The following GRAMD1B variants were observed in gnomAD, a reference collection of about 807,000 sequenced individuals.
GRAMD1B encodes the protein GRAM domain containing 1B.
Under a neutral mutation model 99.7 loss-of-function variants are expected in GRAMD1B, and 37 were observed. The ratio of observed to expected loss-of-function variants is 0.37; its 90% CI spans 0.29 to 0.49. The LOEUF (loss-of-function observed/expected upper bound fraction) is 0.49. Ranked by LOEUF, GRAMD1B falls within the 20% of genes least tolerant of loss-of-function variation. GRAMD1B has a pLI of 0.98. For missense variants in GRAMD1B, 888 were observed against 1,009.2 expected, an observed-to-expected ratio of 0.88 and a Z score of 1.63; for synonymous variants, 427 against 387.6, an observed-to-expected ratio of 1.10 and a Z score of -1.19.
At chr11:123,456,044 A>C (rs12806644) in intron 1 of GRAMD1B, among the ~76,000 whole-genome samples, 1,822 of 152,092 alleles carry the variant, frequency 0.012, 17 homozygotes, top group Middle Eastern at 0.037. Flanking sequence ...GGTGGCACAC[A>C]CCTGTAATCC....
At chr11:123,438,670 G>A (rs746448675) in intron 1 of GRAMD1B, among the ~76,000 whole-genome samples, 3 of 152,194 alleles carry the variant, frequency 2.0e-5, no homozygotes, top group Admixed American at 1.3e-4. Flanking sequence ...TTCCTTGGTG[G>A]TTATGCACTC....
chr11:123,602,748 C>T (rs908337974), intron 8 of GRAMD1B, among the ~76,000 whole-genome samples: 7 of 152,066 alleles, frequency 4.6e-5, no homozygotes, highest in African/African-American at 9.7e-5. Context: ...CATAGGCACC[C>T]GGTGAAATAA....
intron 1 of GRAMD1B, among the ~76,000 whole-genome samples, chr11:123,385,840 T>G (rs1591398392): frequency 6.6e-6 from 1 of 152,028 alleles, no homozygotes; most frequent in African/African-American, 2.4e-5. Flanking sequence ...AGATCGGAGG[T>G]CCTTCCCTGT....
chr11:123,385,839 G>A (rs1468253244), intron 1 of GRAMD1B, among the ~76,000 whole-genome samples: 2 of 152,148 alleles, frequency 1.3e-5, no homozygotes, highest in African/African-American at 4.8e-5. Flanking sequence ...GAGATCGGAG[G>A]TCCTTCCCTG....
chr11:123,571,620 C>T (rs1019870246), intron 2 of GRAMD1B, among the ~76,000 whole-genome samples: 12 of 152,144 alleles, frequency 7.9e-5, no homozygotes, highest in South Asian at 4.2e-4. Flanking sequence ...GAATGACCTC[C>T]GGGTCCCCTG....
rs1018595133 is a variant in GRAMD1B, at chr11:123,430,530, C to T, written c.-263C>T. 62 of 438,210 alleles carry T rather than the reference C, an allele frequency of 1.4e-4. No homozygotes were observed. The highest frequency in any genetic ancestry group is 1.1e-3 in the African/African-American group (53 of 48,422). 27.1% of individuals were successfully genotyped at this position (438,210 alleles called of 1,614,324 possible). A position where few individuals can be genotyped will look rare whatever the true frequency, so the allele number is the denominator to read the frequency against. On this transcript the variant is annotated 5_prime_UTR_variant, in exon 1 of 20. Coordinates refer to ENST00000635736, the MANE Select transcript of GRAMD1B (RefSeq NM_001387025.1). ...GGAGGGCTGCCGAGTGGCTGGCAGG[C>T]GGCTCCCGCCCCTCCCGGGTGGCCT...
At chr11:123,509,535 G>A (rs779426992) in intron 2 of GRAMD1B, among the ~76,000 whole-genome samples, 10 of 152,228 alleles carry the variant, frequency 6.6e-5, no homozygotes, top group South Asian at 2.1e-4. Context: ...CGTACACCCC[G>A]TTTCCTCACC....
intron 1 of GRAMD1B, among the ~76,000 whole-genome samples, chr11:123,397,393 C>T (rs1042121922): frequency 1.4e-5 from 2 of 147,728 alleles, no homozygotes; most frequent in African/African-American, 5.3e-5. Context: ...GGTGACAGAG[C>T]GAGACTCTGT....
chr11:123,596,058 GCCTTT>G, intron 7 of GRAMD1B, 21 bp downstream of exon 7: 1 of 1,344,474 alleles, frequency 7.4e-7, no homozygotes, highest in South Asian at 1.2e-5. Flanking sequence ...TCTAACTCTG[GCCTTT>G]CTAATCCTCC....
chr11:123,558,078 G>A (rs997177629), intron 2 of GRAMD1B, among the ~76,000 whole-genome samples: 1 of 149,612 alleles, frequency 6.7e-6, no homozygotes, highest in East Asian at 2.0e-4. Context: ...CTGCCTCCTA[G>A]GTTCAAGAGA....
In GRAMD1B at chr11:123,610,114, G is replaced by A; in HGVS notation, c.1777-82G>A. 7.4e-7 allele frequency: 1 copy of A among 1,349,150 alleles called. No individual in the cohort carries two copies. The highest frequency in any genetic ancestry group is 1.0e-6 in the Non-Finnish European group (1 of 958,448). 83.6% of individuals were successfully genotyped at this position (1,349,150 alleles called of 1,614,324 possible). ...TGTTCAGAAGCCGTGGGGTGGGGTG[G>A]GCTTGGGGAGGCTGGAGAAGGTGCT... is the stretch of plus-strand genomic sequence containing the variant. On this transcript the variant is annotated intron_variant, in intron 13 of 19. Coordinates refer to ENST00000635736, the MANE Select transcript of GRAMD1B (RefSeq NM_001387025.1). This position sits in a 1 kb window ranked among gnomAD's most constrained non-coding sequence, Gnocchi z 4.1.
intron 1 of GRAMD1B, among the ~76,000 whole-genome samples, chr11:123,409,411 GTCATC>G (rs1947962960): frequency 1.3e-5 from 2 of 152,172 alleles, no homozygotes; most frequent in African/African-American, 4.8e-5. Context: ...CTGTGCCGCA[GTCATC>G]TCATCTGATC....
At chr11:123,483,390 TC>T (rs371283901) in intron 2 of GRAMD1B, among the ~76,000 whole-genome samples, 2 of 147,044 alleles carry the variant, frequency 1.4e-5, no homozygotes, top group Non-Finnish European at 3.0e-5. Context: ...CTTTTCTTTT[TC>T]TTTTTTTTTT....
At chr11:123,605,146 A>G (rs976895774) in intron 9 of GRAMD1B, among the ~76,000 whole-genome samples, 176 bp from the exon 10 acceptor site, 1 of 152,090 alleles carries the variant, frequency 6.6e-6, no homozygotes, top group Non-Finnish European at 1.5e-5. Flanking sequence ...TATGAAGGAG[A>G]TTTCAGAAGA....
At chr11:123,488,059 A>G (rs912143614) in intron 2 of GRAMD1B, among the ~76,000 whole-genome samples, 3 of 152,194 alleles carry the variant, frequency 2.0e-5, no homozygotes, top group Non-Finnish European at 4.4e-5. Flanking sequence ...TTGGGCATTC[A>G]GGTGAGGTCC....
chr11:123,425,091 C>T (rs1006558803), intron 1 of GRAMD1B, among the ~76,000 whole-genome samples: 20 of 152,192 alleles, frequency 1.3e-4, no homozygotes, highest in African/African-American at 4.3e-4. Context: ...CAAGGAGATG[C>T]TATTTATTTA....
At chr11:123,609,559 A>G (rs1355436130) in intron 12 of GRAMD1B, among the ~76,000 whole-genome samples, 1 of 152,192 alleles carries the variant, frequency 6.6e-6, no homozygotes, top group Non-Finnish European at 1.5e-5. Context: ...AGCCCCAGGA[A>G]CAATCAGCAT....
chr11:123,606,842 T>G (rs1337907877), intron 11 of GRAMD1B, 44 bp downstream of exon 11: 1 of 1,507,196 alleles, frequency 6.6e-7, no homozygotes, highest in Non-Finnish European at 9.2e-7. Flanking sequence ...TGCTCTGTTT[T>G]GAAGGCTAAA....
intron 9 of GRAMD1B, 52 bp downstream of exon 9, chr11:123,603,593 G>A (rs1380301710): frequency 1.3e-5 from 13 of 998,104 alleles, no homozygotes; most frequent in Non-Finnish European, 2.1e-5. Flanking sequence ...AGTGCCTGCA[G>A]GAAGAACCTG....
Sources: gnomAD v4.1 joint callset for allele counts (sites outside exome capture counted in the v4.1 genomes callset) on GRCh38, gnomAD v4.1.1 for gene constraint, Gnocchi (gnomAD v3.1) non-coding constraint, MANE v1.5 for transcripts, NCBI Gene and HGNC (gene_info 2026-07-23, HGNC 2026-07-21) for gene names.